The following LGSN variants were observed in gnomAD, a reference collection of about 807,000 sequenced individuals.
LGSN encodes the protein lengsin.
A neutral mutation model predicts 19.5 loss-of-function variants in LGSN; 21 were observed. The observed-to-expected ratio is 1.07, with a 90% confidence interval of 0.76 to 1.55. LGSN has a LOEUF of 1.55. LGSN is among the 40% of genes most tolerant of loss of function. The probability of loss-of-function intolerance (pLI) is 0.00; values close to 1 mark genes in which losing one functional copy is unlikely to be tolerated. For missense variants in LGSN, 673 were observed against 608.5 expected, an observed-to-expected ratio of 1.11 and a Z score of -1.12; for synonymous variants, 257 against 215.6, an observed-to-expected ratio of 1.19 and a Z score of -1.68.
chr6:63,470,974 CT>C, the LGSN span, among the ~76,000 whole-genome samples: 63,510 of 124,466 alleles, frequency 0.51, 16,532 homozygotes, highest in Middle Eastern at 0.65. Context: ...GAGTTTTGCT[CT>C]TGTTGCCCAG....
At chr6:63,411,606 G>A in the LGSN span, among the ~76,000 whole-genome samples, 7 of 152,268 alleles carry the variant, frequency 4.6e-5, no homozygotes, top group South Asian at 8.3e-4. Context: ...TTGGGAGGCC[G>A]AGAAGGGAGG....
At chr6:63,547,486 G>A in the LGSN span, among the ~76,000 whole-genome samples, 16 of 149,052 alleles carry the variant, frequency 1.1e-4, no homozygotes, top group South Asian at 3.2e-3. Context: ...CACCTCGCCC[G>A]GCCAGGGGGG....
chr6:63,283,492 A>G (rs1409951987), intron 3 of LGSN, among the ~76,000 whole-genome samples: 1 of 152,098 alleles, frequency 6.6e-6, no homozygotes, highest in Admixed American at 6.5e-5. Context: ...ACATTATTGC[A>G]TATAATTTAA....
the LGSN span, among the ~76,000 whole-genome samples, chr6:63,532,090 C>T: frequency 5.3e-5 from 8 of 152,182 alleles, no homozygotes; most frequent in African/African-American, 1.4e-4. Flanking sequence ...TGAGCCACCA[C>T]GCCCGGTCAA....
the LGSN span, among the ~76,000 whole-genome samples, chr6:63,329,730 T>C: frequency 5.9e-4 from 90 of 152,290 alleles, no homozygotes; most frequent in African/African-American, 2.1e-3. Flanking sequence ...GGTAACTTTT[T>C]CCCCATACTC....
intron 2 of LGSN, among the ~76,000 whole-genome samples, chr6:63,287,091 G>A (rs1400331287): frequency 6.6e-6 from 1 of 152,128 alleles, no homozygotes; most frequent in African/African-American, 2.4e-5. Context: ...TTAAAACTAA[G>A]CATAAAGATT....
the LGSN span, among the ~76,000 whole-genome samples, chr6:63,523,805 T>C: frequency 6.6e-6 from 1 of 152,138 alleles, no homozygotes; most frequent in Non-Finnish European, 1.5e-5. Context: ...CTTCTTTCAG[T>C]GGGGCCCGGA....
chr6:63,439,633 C>T, the LGSN span, among the ~76,000 whole-genome samples: 1 of 152,206 alleles, frequency 6.6e-6, no homozygotes, highest in Non-Finnish European at 1.5e-5. Context: ...TCTCCTGCCA[C>T]TGCCTTCCAA....
At chr6:63,434,801 T>G in the LGSN span, among the ~76,000 whole-genome samples, 2 of 151,794 alleles carry the variant, frequency 1.3e-5, no homozygotes, top group South Asian at 2.1e-4. Flanking sequence ...AAGACAGCCT[T>G]TGGGAAAGTT....
chr6:63,319,816 C>T, intron 1 of LGSN, 98 bp downstream of exon 1: 1 of 817,926 alleles, frequency 1.2e-6, no homozygotes, highest in Non-Finnish European at 2.1e-6. Flanking sequence ...TATAATTATG[C>T]TGCCCTTATT....
chr6:63,384,854 G>A, the LGSN span, among the ~76,000 whole-genome samples: 3 of 152,162 alleles, frequency 2.0e-5, no homozygotes, highest in Non-Finnish European at 2.9e-5. Flanking sequence ...AAAATTAAAT[G>A]AGGTTTTATG....
At chr6:63,499,641 G>A in the LGSN span, among the ~76,000 whole-genome samples, 41 of 152,066 alleles carry the variant, frequency 2.7e-4, no homozygotes, top group Non-Finnish European at 4.6e-4. Flanking sequence ...CCAGTTCAGC[G>A]CAATCTCCAA....
chr6:63,553,860 G>A, the LGSN span, among the ~76,000 whole-genome samples: 7 of 152,248 alleles, frequency 4.6e-5, no homozygotes, highest in South Asian at 2.1e-4. Flanking sequence ...TACAATTAAC[G>A]TATTTGAGTC....
chr6:63,422,398 C>T, the LGSN span, among the ~76,000 whole-genome samples: 17 of 152,048 alleles, frequency 1.1e-4, no homozygotes, highest in Non-Finnish European at 2.4e-4. Context: ...AGAGATGTAA[C>T]AAAATATACC....
chr6:63,382,036 A>G, the LGSN span, among the ~76,000 whole-genome samples: 1 of 152,226 alleles, frequency 6.6e-6, no homozygotes, highest in Non-Finnish European at 1.5e-5. Flanking sequence ...TACCTTAAAC[A>G]TAAAAGCAAT....
the LGSN span, among the ~76,000 whole-genome samples, chr6:63,369,190 G>A: frequency 2.0e-5 from 3 of 152,278 alleles, no homozygotes; most frequent in East Asian, 5.8e-4. Flanking sequence ...ATGATCTGTA[G>A]GCAGAGTCTT....
chr6:63,452,739 G>A, the LGSN span, among the ~76,000 whole-genome samples: 4 of 151,436 alleles, frequency 2.6e-5, no homozygotes, highest in African/African-American at 9.7e-5. Flanking sequence ...TTGCAAAGAA[G>A]TAGTGTTGCA....
At chr6:63,430,327 G>T in the LGSN span, among the ~76,000 whole-genome samples, 3 of 152,128 alleles carry the variant, frequency 2.0e-5, no homozygotes, top group Non-Finnish European at 4.4e-5. Flanking sequence ...GTCTCTGGGT[G>T]CTTCATTGAT....
chr6:63,439,752 G>C, the LGSN span, among the ~76,000 whole-genome samples: 5 of 152,126 alleles, frequency 3.3e-5, no homozygotes, highest in Non-Finnish European at 5.9e-5. Flanking sequence ...CCCTCTGGTA[G>C]AAAAGCTCTC....
Sources: allele counts gnomAD v4.1 joint callset (sites outside exome capture counted in the v4.1 genomes callset), GRCh38; gene constraint gnomAD v4.1.1; transcripts MANE v1.5; gene names NCBI Gene and HGNC (gene_info 2026-07-23, HGNC 2026-07-21).